The following ACTN4 variants were observed in gnomAD, a reference collection of about 807,000 sequenced individuals.
The protein encoded by ACTN4 is alpha-actinin-4.
In ACTN4, 18 loss-of-function variants were observed where a neutral mutation model predicts 114.2. The ratio of observed to expected loss-of-function variants is 0.16; its 90% CI spans 0.11 to 0.23. The LOEUF (loss-of-function observed/expected upper bound fraction) is 0.23, where lower values mean the gene tolerates loss of function less well. ACTN4 is among the 10% of genes least tolerant of loss of function. The pLI is 1.00. For synonymous variants in ACTN4, 515 were observed against 506.3 expected, an observed-to-expected ratio of 1.02 and a Z score of -0.23; for missense variants, 722 against 1,262.9, an observed-to-expected ratio of 0.57 and a Z score of 6.49.
At chr19:38,690,725 C>T (rs1967896522) in intron 1 of ACTN4, among the ~76,000 whole-genome samples, 1 of 152,236 alleles carries the variant, frequency 6.6e-6, no homozygotes, top group African/African-American at 2.4e-5. Flanking sequence ...AGGCGTGAGC[C>T]ACCTTGCCTA....
chr19:38,726,818 C>T, intron 17 of ACTN4, 139 bp from the exon 18 acceptor site: 1 of 1,306,530 alleles, frequency 7.7e-7, no homozygotes, highest in Non-Finnish European at 1.1e-6. Flanking sequence ...GGCACCATGG[C>T]CCGTGTCCCC....
Position 38,724,532 on chromosome 19 carries a change from T to G in ACTN4, c.1977T>G (p.Asn659Lys). 6.2e-7 allele frequency: 1 copy of G among 1,613,592 alleles called. No homozygotes were observed. The highest frequency in any genetic ancestry group is 8.5e-7 in the Non-Finnish European group (1 of 1,179,940). ...HLRRQFASQA[N>K]VVGPWIQTKM... ...GCCGCCAGTTCGCCAGCCAGGCCAATGTTGTGGGGCCCTGGATCCAGACCA... is the reference window on the plus strand; with the variant it reads ...GCCGCCAGTTCGCCAGCCAGGCCAAGGTTGTGGGGCCCTGGATCCAGACCA... The change falls in exon 16 of 21, where the codon AAT becomes AAG. Residue 659 changes from asparagine (N) to lysine (K), a missense_variant. Coordinates refer to ENST00000252699, the MANE Select transcript of ACTN4 (RefSeq NM_004924.6). This position sits in a 1 kb window ranked among gnomAD's most constrained non-coding sequence, Gnocchi z 7.0.
intron 1 of ACTN4, among the ~76,000 whole-genome samples, chr19:38,668,743 C>CAT (rs572687238): frequency 1.3e-5 from 2 of 151,846 alleles, no homozygotes; most frequent in African/African-American, 4.8e-5. Flanking sequence ...TGGAAGTGAA[C>CAT]AGTGTTAGGG....
At position 38,729,358 on chromosome 19, in the gene ACTN4, G is replaced by A. The variant is rs142064046; in HGVS notation, c.2662G>A (p.Gly888Ser). The part of the protein sequence containing the change: ...YCIARMAPYQ[G>S]PDAVPGALDY... Reference sequence around the variant, plus strand: ...CATCGCCCGCATGGCGCCATACCAGGGCCCTGACGCCGTGCCCGGTGCCCT... The same window carrying A: ...CATCGCCCGCATGGCGCCATACCAGAGCCCTGACGCCGTGCCCGGTGCCCT... The change falls in exon 21 of 21, where the codon GGC becomes AGC. Residue 888 changes from glycine (G) to serine (S), a missense_variant. Gly to Ser is a moderately conservative substitution (Grantham distance 56, BLOSUM62 0). Coordinates refer to ENST00000252699, the MANE Select transcript of ACTN4 (RefSeq NM_004924.6). 3 of 1,612,482 alleles carry A rather than the reference G, an allele frequency of 1.9e-6. No individual in the cohort carries two copies. The highest frequency in any genetic ancestry group is 2.7e-5 in the African/African-American group (2 of 74,800).
Position 38,730,751 on chromosome 19 carries a change from G to A in ACTN4, c.*1319G>A. On this transcript the variant is annotated 3_prime_UTR_variant, in exon 21 of 21. Transcript: ENST00000252699. ...AGGGCCAGAGACTAGCCCCAGACAG[G>A]TGGATGCCAGAGAGAGTGGCACCCA... 10 of 1,423,564 alleles carry A rather than the reference G, an allele frequency of 7.0e-6. No individual in the cohort carries two copies. The highest frequency in any genetic ancestry group is 9.6e-6 in the Non-Finnish European group (10 of 1,038,040). The allele number at this position is 1,423,564 out of a possible 1,614,324, so 88.2% of individuals were successfully genotyped here.
At chr19:38,713,445 C>G (rs763142948) in intron 8 of ACTN4, among the ~76,000 whole-genome samples, 29 of 152,234 alleles carry the variant, frequency 1.9e-4, no homozygotes, top group Non-Finnish European at 3.7e-4. Context: ...GTTTTCCACA[C>G]TGGCCTGGGG....
At chr19:38,705,917 G>A (rs1280852592) in intron 4 of ACTN4, 127 bp from the exon 5 acceptor site, 1 of 882,664 alleles carries the variant, frequency 1.1e-6, no homozygotes, top group South Asian at 1.3e-5. Context: ...GCTGTTGTTA[G>A]GACAGATATC....
In ACTN4 at chr19:38,707,597, G is replaced by A. The variant is rs567536613; in HGVS notation, c.573-520G>A. ...TTTCCTCCAGAGACCAGCATGCCAAGTGAAATCCTGGCATTTAGCCAGCCC... is the reference window on the plus strand; with the variant it reads ...TTTCCTCCAGAGACCAGCATGCCAAATGAAATCCTGGCATTTAGCCAGCCC... On this transcript the variant is annotated intron_variant, in intron 5 of 20. Transcript: ENST00000252699. 1.8e-4 allele frequency among the ~76,000 whole-genome samples: 27 copies of A among 152,284 alleles called. No homozygotes were observed. In the East Asian group the frequency reaches 5.2e-3, roughly 29 times the overall value.
At chr19:38,704,670 G>A (rs1334967703) in intron 3 of ACTN4, among the ~76,000 whole-genome samples, 8 of 152,228 alleles carry the variant, frequency 5.3e-5, no homozygotes, top group Non-Finnish European at 7.3e-5. Context: ...TCAGGAGAAG[G>A]AGCTGGCTGC....
chr19:38,663,500 C>T (rs1478514706), intron 1 of ACTN4, among the ~76,000 whole-genome samples: 2 of 152,130 alleles, frequency 1.3e-5, no homozygotes, highest in Non-Finnish European at 1.5e-5. Context: ...TAGCTGTGTC[C>T]CGGGAGAGGA....
At chr19:38,718,717 T>A (rs576643792) in intron 11 of ACTN4, among the ~76,000 whole-genome samples, 1 of 152,282 alleles carries the variant, frequency 6.6e-6, no homozygotes, top group Admixed American at 6.5e-5. Flanking sequence ...TACACCCATC[T>A]GTTTGTCCCC....
At chr19:38,672,862 C>T (rs1443835211) in intron 1 of ACTN4, among the ~76,000 whole-genome samples, 1 of 152,076 alleles carries the variant, frequency 6.6e-6, no homozygotes, top group Non-Finnish European at 1.5e-5. Context: ...CGTGAGCCAC[C>T]ATGCCCGGCC....
rs769242478 is a variant in ACTN4, at chr19:38,724,874, C to T, written c.2010+309C>T. Among the ~76,000 whole-genome samples, 3 of 152,102 alleles carry T rather than the reference C, an allele frequency of 2.0e-5. No homozygotes were observed. The highest frequency in any genetic ancestry group is 4.8e-5 in the African/African-American group (2 of 41,400). ...CAAAAATTAGCTGGGCATGATGGTG[C>T]GCAGCCCAAGGAGGTCGAGGCTGCC... On this transcript the variant is annotated intron_variant, in intron 16 of 20. Transcript: ENST00000252699. This position sits in a 1 kb window ranked among gnomAD's most constrained non-coding sequence, Gnocchi z 7.0.
chr19:38,653,705 T>C (rs550698658), intron 1 of ACTN4, among the ~76,000 whole-genome samples: 2 of 152,370 alleles, frequency 1.3e-5, no homozygotes, highest in African/African-American at 2.4e-5. Flanking sequence ...TTTATGTATT[T>C]AGTTTACAGA....
At chr19:38,707,763 T>G (rs943650507) in intron 5 of ACTN4, among the ~76,000 whole-genome samples, 1 of 152,208 alleles carries the variant, frequency 6.6e-6, no homozygotes, top group Admixed American at 6.5e-5. Context: ...CTAGCAGTTA[T>G]AAAGCAGTTG....
At chr19:38,708,950 G>A (rs1968551617) in intron 6 of ACTN4, among the ~76,000 whole-genome samples, 2 of 152,168 alleles carry the variant, frequency 1.3e-5, no homozygotes, top group Non-Finnish European at 1.5e-5. Context: ...TGTAAGCAGT[G>A]GGGAGCCTGT....
At chr19:38,663,202 C>T (rs111315224) in intron 1 of ACTN4, among the ~76,000 whole-genome samples, 231 of 152,296 alleles carry the variant, frequency 1.5e-3, no homozygotes, top group African/African-American at 5.1e-3. Flanking sequence ...TGAGCCACTG[C>T]GCCCGGCCAC....
At chr19:38,705,961 G>C (rs2030958494) in intron 4 of ACTN4, 83 bp from the exon 5 acceptor site, 4 of 1,438,676 alleles carry the variant, frequency 2.8e-6, no homozygotes, top group South Asian at 2.3e-5. Flanking sequence ...CCCCAGGCCT[G>C]AGCCGAAAGT....
intron 5 of ACTN4, 73 bp downstream of exon 5, chr19:38,706,204 G>A: frequency 6.6e-7 from 1 of 1,504,954 alleles, no homozygotes; most frequent in Non-Finnish European, 9.2e-7. Context: ...TGCCCTGTTT[G>A]CTGTGTTTTT....
Sources: gnomAD v4.1 joint callset for allele counts (sites outside exome capture counted in the v4.1 genomes callset) on GRCh38, gnomAD v4.1.1 for gene constraint, Gnocchi (gnomAD v3.1) non-coding constraint, MANE v1.5 for transcripts, NCBI Gene and HGNC (gene_info 2026-07-23, HGNC 2026-07-21) for gene names.